The following ADSS1 variants were observed in gnomAD, a reference collection of about 807,000 sequenced individuals.
ADSS1 encodes the protein adenylosuccinate synthase 1.
A neutral mutation model predicts 59.1 loss-of-function variants in ADSS1; 57 were observed. The observed-to-expected ratio is 0.97, with a 90% CI of 0.78 to 1.20. ADSS1 has a LOEUF of 1.20. Among genes scored for constraint, ADSS1 ranks in the 50% most tolerant of loss-of-function variants. The probability of loss-of-function intolerance (pLI) is 0.00; values close to 1 mark genes in which losing one functional copy is unlikely to be tolerated. For synonymous variants in ADSS1, 247 were observed against 249.4 expected, an observed-to-expected ratio of 0.99 and a Z score of 0.09; for missense variants, 603 against 610.3, an observed-to-expected ratio of 0.99 and a Z score of 0.13.
chr14:104,746,319 T>C lies in ADSS1; in HGVS notation c.1255T>C (p.Trp419Arg), dbSNP rs1891552923. 1 of 1,613,508 alleles carries C rather than the reference T, an allele frequency of 6.2e-7. No individual in the cohort carries two copies. The highest frequency in any genetic ancestry group is 8.5e-7 in the Non-Finnish European group (1 of 1,179,888). ...WKADTTGARR[W>R]EDLPPQAQNY... ...AGCAGACACCACAGGCGCCAGGAGG[T>C]GGGAGGACCTGCCCCCACAGGCCCA... Residue 419 changes from tryptophan (W) to arginine (R), a missense_variant, in exon 12 of 13, where the codon TGG becomes CGG. By Grantham distance (101) the Trp-to-Arg change is moderately radical (BLOSUM62 -3). Transcript: ENST00000330877.
chr14:104,733,429 C>T (rs570389001), intron 1 of ADSS1, among the ~76,000 whole-genome samples: 16 of 152,358 alleles, frequency 1.1e-4, no homozygotes, highest in African/African-American at 3.8e-4. Context: ...TGCCCCCCCT[C>T]TGTCCCCAGG....
intron 1 of ADSS1, among the ~76,000 whole-genome samples, chr14:104,734,155 A>G (rs962108527): frequency 1.3e-5 from 2 of 152,196 alleles, no homozygotes; most frequent in African/African-American, 2.4e-5. Flanking sequence ...GCCTGCACGT[A>G]GGGGAGCCCT....
At chr14:104,731,215 C>T (rs1347754978) in intron 1 of ADSS1, among the ~76,000 whole-genome samples, 1 of 152,220 alleles carries the variant, frequency 6.6e-6, no homozygotes, top group African/African-American at 2.4e-5. Context: ...CATCACTGTG[C>T]TTCTGAGAGT....
chr14:104,730,294 G>A, intron 1 of ADSS1: 1 of 1,362,466 alleles, frequency 7.3e-7, no homozygotes, highest in Non-Finnish European at 9.7e-7. Context: ...AGGAGTTCAA[G>A]ACCAGCCTGG....
chr14:104,738,594 G>C (rs553061311), intron 3 of ADSS1, among the ~76,000 whole-genome samples, 156 bp downstream of exon 3: 2 of 152,362 alleles, frequency 1.3e-5, no homozygotes, highest in African/African-American at 4.8e-5. Flanking sequence ...GGCTCTACCC[G>C]CGCAGAAAGC....
Position 104,741,897 on chromosome 14 carries a change from C to T in ADSS1, c.843C>T (p.Cys281=), listed in dbSNP as rs1033687494. ...TSSNCTVGGV[C]TGLGIPPQNI... ...CCAACTGCACCGTGGGCGGTGTGTG[C>T]ACGGGCCTGGGCATCCCCCCGCAGA... The change falls in exon 9 of 13, where the codon TGC becomes TGT. Residue 281 remains cysteine (C), a synonymous_variant. Coordinates refer to ENST00000330877, the MANE Select transcript of ADSS1 (RefSeq NM_152328.5). 2 of 1,613,492 alleles carry T rather than the reference C, an allele frequency of 1.2e-6. No homozygotes were observed. Among genetic ancestry groups the T allele is most frequent in the Admixed American group, 1.7e-5 (1 of 60,034 alleles).
At chr14:104,733,036 G>C (rs915130708) in intron 1 of ADSS1, among the ~76,000 whole-genome samples, 6 of 152,240 alleles carry the variant, frequency 3.9e-5, no homozygotes, top group African/African-American at 1.2e-4. Context: ...AGCACAGGCT[G>C]AGAGCCCTGC....
chr14:104,727,547 C>CTG (rs1438750116), intron 1 of ADSS1, among the ~76,000 whole-genome samples: 1 of 152,168 alleles, frequency 6.6e-6, no homozygotes, highest in Non-Finnish European at 1.5e-5. Context: ...TGCTGGGGTC[C>CTG]TGTGTTCCCT....
chr14:104,735,160 G>T lies in ADSS1; in HGVS notation c.295+38G>T, dbSNP rs771791003. 52 of 1,549,564 alleles carry T rather than the reference G, an allele frequency of 3.4e-5. 1 individual carries two copies. Among genetic ancestry groups the T allele is most frequent in the Non-Finnish European group, 4.2e-5 (48 of 1,137,608 alleles). ...CCCCGACCTGTGTGTGAGCAGGAAA[G>T]GGGGTGTCAGCCAGCCCAGGAGCCC... On this transcript the variant is annotated intron_variant, in intron 2 of 12. Transcript: ENST00000330877.
chr14:104,735,675 C>T (rs945382546), intron 2 of ADSS1, among the ~76,000 whole-genome samples: 1 of 152,186 alleles, frequency 6.6e-6, no homozygotes, highest in African/African-American at 2.4e-5. Flanking sequence ...CCTCCTTCCA[C>T]ATCGCCTGCC....
intron 10 of ADSS1, 125 bp downstream of exon 10, chr14:104,743,316 C>T (rs1891442061): frequency 1.4e-6 from 2 of 1,407,308 alleles, no homozygotes; most frequent in Admixed American, 3.7e-5. Flanking sequence ...TTCCACTGAT[C>T]TCGACCCTTC....
rs1291191022 is a variant in ADSS1, at chr14:104,740,445, G to A, written c.477-156G>A. The stretch of plus-strand genomic sequence containing the variant: ...CATACCAGTACATCCATGCTAGTGC[G>A]TACACCCACACACGCACACACTCAC... On this transcript the variant is annotated intron_variant, in intron 5 of 12. Transcript: ENST00000330877. The surrounding 1 kb of genome is among the most constrained non-coding windows in gnomAD (Gnocchi z 4.8). Among the ~76,000 whole-genome samples the A allele has an allele frequency of 4.0e-5, 6 of 151,768 alleles. No individual in the cohort carries two copies. The highest frequency in any genetic ancestry group is 7.3e-5 in the African/African-American group (3 of 41,288).
intron 11 of ADSS1, 57 bp downstream of exon 11, chr14:104,744,966 G>C (rs1891503365): frequency 1.3e-6 from 2 of 1,512,296 alleles, no homozygotes; most frequent in Non-Finnish European, 1.8e-6. Flanking sequence ...TATTGGAATA[G>C]ATAGGACCTG....
rs372103702 is a variant in ADSS1, at chr14:104,738,373, C to T, written c.296-3C>T. 13 of 1,613,668 alleles carry T rather than the reference C, an allele frequency of 8.1e-6. No homozygotes were observed. Among genetic ancestry groups the T allele is most frequent in the Non-Finnish European group, 1.0e-5 (12 of 1,179,782 alleles). The stretch of plus-strand genomic sequence containing the variant: ...GTCTCTCATGCCTCTGTCTCTCATG[C>T]AGGCAACGGGGTGGTCATCCACTTG... On this transcript the variant is annotated splice_region_variant and splice_polypyrimidine_tract_variant and intron_variant, in intron 2 of 12. Coordinates refer to ENST00000330877, the MANE Select transcript of ADSS1 (RefSeq NM_152328.5).
chr14:104,739,578 TG>T, intron 4 of ADSS1, 171 bp from the exon 5 acceptor site: 1 of 893,730 alleles, frequency 1.1e-6, no homozygotes, highest in Non-Finnish European at 1.7e-6. Flanking sequence ...CATTTGCAGG[TG>T]GGGAGACTGA....
In ADSS1 at chr14:104,746,379, G is replaced by A. The variant is rs530555286; in HGVS notation, c.1315G>A (p.Val439Ile). Reference sequence around the variant, plus strand: ...CCGCTTTGTGGAGAATCACGTGGGAGTCGCAGGTGGGTGCCCTGCATCCCC... The same window carrying A: ...CCGCTTTGTGGAGAATCACGTGGGAATCGCAGGTGGGTGCCCTGCATCCCC... ...YIRFVENHVG[V>I]AVKWVGVGKS... Residue 439 changes from valine (V) to isoleucine (I), a missense_variant, in exon 12 of 13, where the codon GTC becomes ATC. Physicochemically the swap from Val to Ile is conservative, Grantham distance 29. Transcript: ENST00000330877. 47 of 1,611,162 alleles carry A rather than the reference G, an allele frequency of 2.9e-5. No individual in the cohort carries two copies. In the South Asian group the frequency reaches 5.1e-4, roughly 17 times the overall value.
rs186062802 is a variant in ADSS1 at position 104,740,424 on chromosome 14, C to A, written c.477-177C>A. The stretch of plus-strand genomic sequence containing the variant: ...CATCCACCCACAGGCACACACCATA[C>A]CAGTACATCCATGCTAGTGCGTACA... On this transcript the variant is annotated intron_variant, in intron 5 of 12. Transcript: ENST00000330877. This position sits in a 1 kb window ranked among gnomAD's most constrained non-coding sequence, Gnocchi z 4.8. Among the ~76,000 whole-genome samples the A allele has an allele frequency of 6.6e-6, 1 of 152,216 alleles. No homozygotes were observed. The highest frequency in any genetic ancestry group is 1.5e-5 in the Non-Finnish European group (1 of 68,002).
chr14:104,744,212 A>G (rs1292432685), intron 10 of ADSS1: 1 of 153,434 alleles, frequency 6.5e-6, no homozygotes, highest in African/African-American at 2.4e-5. Context: ...GGGAGGGGAG[A>G]AGTGGAGCCT....
chr14:104,730,683 G>A lies in ADSS1; in HGVS notation c.193-4337G>A, dbSNP rs557179561. Among the ~76,000 whole-genome samples the A allele has an allele frequency of 3.3e-5, 5 of 152,184 alleles. No individual in the cohort carries two copies. The South Asian group carries it at 8.3e-4, about 25-fold the overall frequency. ...GGGGAGTGGCCCCGAGAGGTGCTGC[G>A]GGTGTGAGGGTGCGCACAGCCTCCT... On this transcript the variant is annotated intron_variant, in intron 1 of 12. Coordinates refer to ENST00000330877, the MANE Select transcript of ADSS1 (RefSeq NM_152328.5).
Sources: allele counts gnomAD v4.1 joint callset (sites outside exome capture counted in the v4.1 genomes callset), GRCh38; gene constraint gnomAD v4.1.1; non-coding constraint Gnocchi (gnomAD v3.1); transcripts MANE v1.5; gene names NCBI Gene and HGNC (gene_info 2026-07-23, HGNC 2026-07-21).